UPF2: variants seen among roughly 807,000 people sequenced by gnomAD.
UPF2 encodes the protein regulator of nonsense transcripts 2.
Under a neutral mutation model 141.4 loss-of-function variants are expected in UPF2, and 17 were observed. That is an observed-to-expected ratio of 0.12 (90% CI 0.08 to 0.18). The LOEUF is 0.18. Ranked by LOEUF, UPF2 falls within the 10% of genes least tolerant of loss-of-function variation. UPF2 has a pLI of 1.00. For synonymous variants in UPF2, 540 were observed against 498.0 expected (o/e 1.08, Z -1.12); for missense variants, 1,152 against 1,515.9 (o/e 0.76, Z 3.99).
chr10:12,041,426 ATATTT>A (rs925658249), intron 1 of UPF2, among the ~76,000 whole-genome samples: 1 of 152,200 alleles, frequency 6.6e-6, no homozygotes, highest in African/African-American at 2.4e-5. Flanking sequence ...CTTGAACTGT[ATATTT>A]TATTTGGTAT....
chr10:11,953,237 T>C lies in UPF2; in HGVS notation c.2851-988A>G, dbSNP rs1833100484. ...TCCTCTCCAGTTTGTTCCAGGTCCT[T>C]GCTACTCCAAGTGTGGACCTCATCT... is the stretch of plus-strand genomic sequence containing the variant. On this transcript the variant is annotated intron_variant, in intron 14 of 21. Coordinates refer to ENST00000357604, the MANE Select transcript of UPF2 (RefSeq NM_015542.4). This position sits in a 1 kb window ranked among gnomAD's most constrained non-coding sequence, Gnocchi z 5.0. 6.6e-6 allele frequency among the ~76,000 whole-genome samples: 1 copy of C among 152,236 alleles called. No homozygotes were observed. Among genetic ancestry groups the C allele is most frequent in the African/African-American group, 2.4e-5 (1 of 41,462 alleles).
intron 8 of UPF2, among the ~76,000 whole-genome samples, chr10:11,996,124 T>C (rs919638371): frequency 2.6e-5 from 4 of 152,192 alleles, no homozygotes; most frequent in African/African-American, 9.7e-5. Flanking sequence ...ACCCCTGTAC[T>C]GTATCTCCAG....
intron 3 of UPF2, among the ~76,000 whole-genome samples, chr10:12,024,948 A>C (rs1253311887): frequency 2.7e-5 from 4 of 150,238 alleles, no homozygotes; most frequent in Admixed American, 6.7e-5. Context: ...AAAAAAAAAA[A>C]AAAAAAAAAC....
Position 12,004,525 on chromosome 10 carries a change from T to A in UPF2, c.1504+5A>T. 6.2e-7 allele frequency: 1 copy of A among 1,602,242 alleles called. No individual in the cohort carries two copies. The highest frequency in any genetic ancestry group is 1.1e-5 in the South Asian group (1 of 87,796). On this transcript the variant is annotated splice_donor_5th_base_variant and intron_variant, in intron 5 of 21. Coordinates refer to ENST00000357604, the MANE Select transcript of UPF2 (RefSeq NM_015542.4). The stretch of plus-strand genomic sequence containing the variant: ...TAATGTAAATATTTTTTCTCTAGAA[T>A]TTACCTTTGGTATCATCTTTGTTGG...
intron 5 of UPF2, among the ~76,000 whole-genome samples, chr10:12,004,027 G>A (rs1187161665): frequency 1.3e-5 from 2 of 151,588 alleles, no homozygotes; most frequent in Non-Finnish European, 2.9e-5. Context: ...ATGGGAGTTA[G>A]ATTAGAATAG....
rs1373172096 is a variant in UPF2 at position 11,953,239 on chromosome 10, C to T, written c.2851-990G>A. 1.3e-5 allele frequency among the ~76,000 whole-genome samples: 2 copies of T among 152,150 alleles called. No homozygotes were observed. The highest frequency in any genetic ancestry group is 4.8e-5 in the African/African-American group (2 of 41,434). ...CTCTCCAGTTTGTTCCAGGTCCTTG[C>T]TACTCCAAGTGTGGACCTCATCTGG... On this transcript the variant is annotated intron_variant, in intron 14 of 21. Transcript: ENST00000357604. The surrounding 1 kb of genome is among the most constrained non-coding windows in gnomAD (Gnocchi z 5.0).
At chr10:12,020,891 T>C (rs895954236) in intron 3 of UPF2, among the ~76,000 whole-genome samples, 2 of 152,192 alleles carry the variant, frequency 1.3e-5, no homozygotes, top group Admixed American at 6.6e-5. Flanking sequence ...TTATCCACTT[T>C]GTATGTTACA....
rs1467353562 is a variant in UPF2, at chr10:11,992,486, CTAAA to C, written c.1844+5182_1844+5185del. Among the ~76,000 whole-genome samples the C allele has an allele frequency of 6.6e-6, 1 of 152,054 alleles. No individual in the cohort carries two copies. Among genetic ancestry groups the C allele is most frequent in the Non-Finnish European group, 1.5e-5 (1 of 68,010 alleles). On this transcript the variant is annotated intron_variant, in intron 8 of 21. Transcript: ENST00000357604. The surrounding 1 kb of genome is among the most constrained non-coding windows in gnomAD (Gnocchi z 4.1). ...CATGGTAGAAAACAACAGAGACTGT[CTAAA>C]TAAATAATCGCTAAGCAAACTTACA...
chr10:11,977,046 C>T (rs1325659661), intron 9 of UPF2, among the ~76,000 whole-genome samples: 3 of 152,098 alleles, frequency 2.0e-5, no homozygotes, highest in African/African-American at 4.8e-5. Context: ...GGCACAGTTT[C>T]GAATCTGCAG....
Position 11,931,548 on chromosome 10 carries a change from GA to G in UPF2, c.3688+92del. 1 of 1,335,096 alleles carries G rather than the reference GA, an allele frequency of 7.5e-7. No individual in the cohort carries two copies. The highest frequency in any genetic ancestry group is 1.0e-6 in the Non-Finnish European group (1 of 1,004,962). 82.7% of individuals were successfully genotyped at this position (1,335,096 alleles called of 1,614,324 possible). A position where few individuals can be genotyped will look rare whatever the true frequency, so the allele number is the denominator to read the frequency against. On this transcript the variant is annotated intron_variant, in intron 20 of 21. Coordinates refer to ENST00000357604, the MANE Select transcript of UPF2 (RefSeq NM_015542.4). The surrounding 1 kb of genome is among the most constrained non-coding windows in gnomAD (Gnocchi z 5.9). ...AAATGAATTTCTCAGCATAAATATG[GA>G]AAAATATGACATGAGAAGATGAGAC... is the stretch of plus-strand genomic sequence containing the variant.
At chr10:12,008,752 T>G (rs1213867116) in intron 4 of UPF2, among the ~76,000 whole-genome samples, 1 of 151,996 alleles carries the variant, frequency 6.6e-6, no homozygotes, top group Admixed American at 6.6e-5. Flanking sequence ...GGTATACATG[T>G]TCCATGGTGG....
intron 21 of UPF2, among the ~76,000 whole-genome samples, chr10:11,922,990 C>T (rs112639102): frequency 0.027 from 4,152 of 152,166 alleles, 76 homozygotes; most frequent in South Asian, 0.061. Flanking sequence ...CCTGTGATCA[C>T]GCCACTGTAC....
chr10:11,968,000 G>A (rs945842338), intron 9 of UPF2, among the ~76,000 whole-genome samples: 5 of 152,080 alleles, frequency 3.3e-5, no homozygotes, highest in Non-Finnish European at 5.9e-5. Context: ...CCAAGATGGC[G>A]AAACCCTGTC....
At chr10:11,976,901 T>G (rs913829804) in intron 9 of UPF2, among the ~76,000 whole-genome samples, 6 of 152,212 alleles carry the variant, frequency 3.9e-5, no homozygotes, top group African/African-American at 1.4e-4. Flanking sequence ...CAATCCTATT[T>G]TAAAAGATGC....
Position 12,001,723 on chromosome 10 carries a change from C to T in UPF2, c.1607G>A (p.Gly536Asp). ...TGTAAGATCTTCAGCTTCATCTCCA[C>T]CCTCTAATTCTAAGGTGTCATCATT... ...EINDDTLELE[G>D]GDEAEDLTKK... The change falls in exon 6 of 22, where the codon GGT becomes GAT. Residue 536 changes from glycine to aspartate, a missense_variant. By Grantham distance (94) the Gly-to-Asp change is moderately conservative (BLOSUM62 -1). Around this residue, in one of 4 missense-constraint regions of UPF2, gnomAD observed 739 missense variants for 1,032.2 expected, o/e 0.72. Coordinates refer to ENST00000357604, the MANE Select transcript of UPF2 (RefSeq NM_015542.4). 6.2e-7 allele frequency: 1 copy of T among 1,611,840 alleles called. No individual in the cohort carries two copies. The highest frequency in any genetic ancestry group is 8.5e-7 in the Non-Finnish European group (1 of 1,179,354).
chr10:12,008,714 T>C (rs531281821), intron 4 of UPF2, among the ~76,000 whole-genome samples: 1 of 151,598 alleles, frequency 6.6e-6, no homozygotes, highest in South Asian at 2.1e-4. Flanking sequence ...CCAAGATACA[T>C]GTGCAGAATG....
chr10:11,947,249 C>A (rs969117681), intron 16 of UPF2, among the ~76,000 whole-genome samples: 3 of 152,120 alleles, frequency 2.0e-5, no homozygotes, highest in Non-Finnish European at 2.9e-5. Flanking sequence ...TTTAATCACA[C>A]AGAAATGACA....
intron 4 of UPF2, among the ~76,000 whole-genome samples, chr10:12,005,054 A>G (rs1249477938): frequency 1.3e-5 from 2 of 152,054 alleles, no homozygotes; most frequent in Non-Finnish European, 2.9e-5. Context: ...AATAAAATAT[A>G]TAAGCCTGGC....
At chr10:12,009,986 G>C (rs1477287776) in intron 4 of UPF2, among the ~76,000 whole-genome samples, 1 of 152,158 alleles carries the variant, frequency 6.6e-6, no homozygotes, top group Non-Finnish European at 1.5e-5. Context: ...ACCAGGAATA[G>C]TCTGTATACC....
Sources: allele counts gnomAD v4.1 joint callset (sites outside exome capture counted in the v4.1 genomes callset), GRCh38; gene constraint gnomAD v4.1.1; regional missense constraint gnomAD v4.1.1; non-coding constraint Gnocchi (gnomAD v3.1); transcripts MANE v1.5; gene names NCBI Gene and HGNC (gene_info 2026-07-23, HGNC 2026-07-21).